HIPK2: variants seen among roughly 807,000 people sequenced by gnomAD.
HIPK2 encodes the protein homeodomain interacting protein kinase 2.
A neutral mutation model predicts 113.7 loss-of-function variants in HIPK2; 27 were observed. The ratio of observed to expected loss-of-function variants is 0.24; its 90% CI spans 0.17 to 0.33. The LOEUF (loss-of-function observed/expected upper bound fraction) is 0.33, where lower values mean the gene tolerates loss of function less well. HIPK2 is among the 10% of genes least tolerant of loss of function. The probability of loss-of-function intolerance (pLI) is 1.00; values close to 1 mark genes in which losing one functional copy is unlikely to be tolerated. For missense variants in HIPK2, 1,257 were observed against 1,588.0 expected (o/e 0.79, Z 3.54); for synonymous variants, 631 against 642.2 (o/e 0.98, Z 0.26).
chr7:139,690,080 G>A (rs908032746), intron 2 of HIPK2, among the ~76,000 whole-genome samples: 28 of 151,048 alleles, frequency 1.9e-4, no homozygotes, highest in African/African-American at 5.6e-4. Flanking sequence ...GGGGGAGTGC[G>A]GGGAGGGACA....
intron 1 of HIPK2, among the ~76,000 whole-genome samples, chr7:139,766,786 G>C (rs1796559784): frequency 6.6e-6 from 1 of 152,104 alleles, no homozygotes; most frequent in Admixed American, 6.5e-5. Context: ...GAAAATCATA[G>C]AGCTCTTAAA....
chr7:139,657,447 G>A (rs1028956529), intron 2 of HIPK2, among the ~76,000 whole-genome samples: 1 of 152,152 alleles, frequency 6.6e-6, no homozygotes, highest in African/African-American at 2.4e-5. Context: ...CCTTATCTAC[G>A]CTGAGCTTAT....
In HIPK2 at chr7:139,707,852, G is replaced by C. The variant is rs567713102; in HGVS notation, c.1103+8080C>G. 2.6e-5 allele frequency among the ~76,000 whole-genome samples: 4 copies of C among 152,256 alleles called. No homozygotes were observed. The South Asian group carries it at 8.3e-4, about 32-fold the overall frequency. ...CATCGTAAGTCATGCAGGAAGGAAG[G>C]CACGTTCATGTCTCCTCTGCTGTTC... On this transcript the variant is annotated intron_variant, in intron 2 of 14. Coordinates refer to ENST00000406875, the MANE Select transcript of HIPK2 (RefSeq NM_022740.5).
chr7:139,760,346 C>T (rs952458576), intron 1 of HIPK2, among the ~76,000 whole-genome samples: 3 of 152,092 alleles, frequency 2.0e-5, no homozygotes, highest in Non-Finnish European at 4.4e-5. Context: ...TAATGCATTA[C>T]CCATCTTAAA....
intron 2 of HIPK2, among the ~76,000 whole-genome samples, chr7:139,669,521 C>T (rs781150330): frequency 1.3e-5 from 2 of 152,170 alleles, no homozygotes; most frequent in Non-Finnish European, 2.9e-5. Flanking sequence ...CAAAATGTAT[C>T]TGTTGAGCAT....
At chr7:139,650,584 C>T (rs1801424614) in intron 2 of HIPK2, among the ~76,000 whole-genome samples, 1 of 151,946 alleles carries the variant, frequency 6.6e-6, no homozygotes, top group Admixed American at 6.6e-5. Flanking sequence ...GGACCCAGTT[C>T]TCCTGGAAGT....
At chr7:139,727,211 AAT>A (rs1795606078) in intron 1 of HIPK2, among the ~76,000 whole-genome samples, 1 of 152,222 alleles carries the variant, frequency 6.6e-6, no homozygotes, top group South Asian at 2.1e-4. Flanking sequence ...TGAGGAGGAC[AAT>A]ATGAGTCACA....
chr7:139,729,944 T>C (rs747666231), intron 1 of HIPK2, among the ~76,000 whole-genome samples: 2 of 152,282 alleles, frequency 1.3e-5, no homozygotes, highest in African/African-American at 2.4e-5. Context: ...CTCCATTCAC[T>C]ACTGGTTCAA....
At chr7:139,579,206 T>C (rs998689073) in intron 13 of HIPK2, among the ~76,000 whole-genome samples, 1 of 152,132 alleles carries the variant, frequency 6.6e-6, no homozygotes, top group African/African-American at 2.4e-5. Context: ...AGTAGGGGTG[T>C]TCAAAGGACG....
At chr7:139,673,713 T>C (rs1384479570) in intron 2 of HIPK2, among the ~76,000 whole-genome samples, 1 of 151,842 alleles carries the variant, frequency 6.6e-6, no homozygotes, top group Non-Finnish European at 1.5e-5. Context: ...TTTTTAAAAT[T>C]GGCACAGAGC....
chr7:139,597,631 T>C (rs928377355), intron 11 of HIPK2, among the ~76,000 whole-genome samples: 2 of 152,248 alleles, frequency 1.3e-5, no homozygotes, highest in African/African-American at 2.4e-5. Flanking sequence ...ACCTTAAAAA[T>C]GATTTTTCTG....
At chr7:139,606,266 T>A (rs1340601596) in intron 9 of HIPK2, among the ~76,000 whole-genome samples, 2 of 152,374 alleles carry the variant, frequency 1.3e-5, no homozygotes, top group African/African-American at 2.4e-5. Context: ...TCTGACTACT[T>A]CTTTTTTCTG....
Position 139,585,857 on chromosome 7 carries a change from T to C in HIPK2, c.2718-1793A>G, listed in dbSNP as rs530032042. On this transcript the variant is annotated intron_variant, in intron 12 of 14. Coordinates refer to ENST00000406875, the MANE Select transcript of HIPK2 (RefSeq NM_022740.5). The stretch of plus-strand genomic sequence containing the variant: ...TGGAAAAGTTTCCTTTTTTCTAGTT[T>C]ATGAATAAACCAGAAGATTGAAATC... Among the ~76,000 whole-genome samples, 8 of 152,324 alleles carry C rather than the reference T, an allele frequency of 5.3e-5. No individual in the cohort carries two copies. The East Asian group carries it at 7.7e-4, about 15-fold the overall frequency.
intron 1 of HIPK2, among the ~76,000 whole-genome samples, chr7:139,770,278 G>A (rs1796627391): frequency 6.6e-6 from 1 of 152,160 alleles, no homozygotes; most frequent in Non-Finnish European, 1.5e-5. Context: ...CCTGCCCTGT[G>A]ACTTTTTAAA....
Position 139,675,248 on chromosome 7 carries a change from C to T in HIPK2, c.1103+40684G>A, listed in dbSNP as rs140233178. 4.8e-3 allele frequency among the ~76,000 whole-genome samples: 728 copies of T among 151,932 alleles called. 6 individuals carry two copies. Among genetic ancestry groups the T allele is most frequent in the African/African-American group, 0.017 (685 of 41,416 alleles). On this transcript the variant is annotated intron_variant, in intron 2 of 14. Transcript: ENST00000406875. ...CATCACCAAACATTTAAAAAGAGTC[C>T]GTTATGTTAAAAATATTATGCTAAC...
intron 12 of HIPK2, among the ~76,000 whole-genome samples, chr7:139,590,246 G>A (rs73485540): frequency 0.012 from 1,771 of 152,238 alleles, 29 homozygotes; most frequent in African/African-American, 0.039. Context: ...AAATGGCCTT[G>A]GAAGAACATC....
chr7:139,674,967 G>A (rs762818268), intron 2 of HIPK2, among the ~76,000 whole-genome samples: 1 of 152,168 alleles, frequency 6.6e-6, no homozygotes, highest in Non-Finnish European at 1.5e-5. Flanking sequence ...GCACACTTCT[G>A]CATTTGCCTT....
chr7:139,690,075 A>C (rs1172174402), intron 2 of HIPK2, among the ~76,000 whole-genome samples: 2 of 38,310 alleles, frequency 5.2e-5, no homozygotes, highest in Non-Finnish European at 5.2e-5. Context: ...GGGGTGGGGG[A>C]GTGCGGGGAG....
chr7:139,621,639 C>T (rs1800236181), intron 6 of HIPK2, among the ~76,000 whole-genome samples: 1 of 152,102 alleles, frequency 6.6e-6, no homozygotes, highest in South Asian at 2.1e-4. Flanking sequence ...ATAATAAAAT[C>T]CCTTTTAGTC....
Sources: gnomAD v4.1 joint callset for allele counts (sites outside exome capture counted in the v4.1 genomes callset) on GRCh38, gnomAD v4.1.1 for gene constraint, MANE v1.5 for transcripts, NCBI Gene and HGNC (gene_info 2026-07-23, HGNC 2026-07-21) for gene names.